Variants in ACE observed in about 807,000 individuals in gnomAD.
The protein encoded by ACE is angiotensin-converting enzyme.
ACE carries 122 observed loss-of-function variants against 162.3 expected under a neutral mutation model. The ratio of observed to expected loss-of-function variants is 0.75; its 90% confidence interval spans 0.65 to 0.87. The LOEUF (loss-of-function observed/expected upper bound fraction) is 0.87. ACE is among the 40% of genes least tolerant of loss of function. The pLI is 0.00. For missense variants in ACE, 1,799 were observed against 1,735.1 expected (o/e 1.04, Z -0.65); for synonymous variants, 796 against 720.6 (o/e 1.10, Z -1.68).
At position 63,496,557 on chromosome 17, in the gene ACE, C is replaced by T. The variant is rs1322054504; in HGVS notation, c.3503+41C>T. On this transcript the variant is annotated intron_variant, in intron 23 of 24. Coordinates refer to ENST00000290866, the MANE Select transcript of ACE (RefSeq NM_000789.4). Reference sequence around the variant, plus strand: ...CCCTCCTTTGTTTCCATGCTCTGGCCTGCGCCCCTGGGCCTTGAGGGGTCT... The same window carrying T: ...CCCTCCTTTGTTTCCATGCTCTGGCTTGCGCCCCTGGGCCTTGAGGGGTCT... 4 of 1,613,050 alleles carry T rather than the reference C, an allele frequency of 2.5e-6. No homozygotes were observed. In the East Asian group the frequency reaches 6.7e-5, roughly 27 times the overall value.
intron 17 of ACE, chr17:63,490,554 C>T: frequency 3.6e-6 from 1 of 278,820 alleles, no homozygotes; most frequent in South Asian, 3.9e-5. Context: ...GTGACAGTAC[C>T]TGGGTGCAGA....
In ACE at chr17:63,486,587, A is replaced by G. The variant is rs2029954424; in HGVS notation, c.2089A>G (p.Thr697Ala). The stretch of plus-strand genomic sequence containing the variant: ...GAAGAACATGCAAATAGCCAACCAC[A>G]CCCTGAAGTACGGCACCCAGGCCAG... ...LQKNMQIANH[T>A]LKYGTQARKF... Residue 697 changes from threonine to alanine, a missense_variant, in exon 14 of 25, where the codon ACC becomes GCC. Thr to Ala is a moderately conservative substitution (Grantham distance 58). Coordinates refer to ENST00000290866, the MANE Select transcript of ACE (RefSeq NM_000789.4). The G allele has an allele frequency of 6.2e-7, 1 of 1,613,936 alleles. No individual in the cohort carries two copies. The highest frequency in any genetic ancestry group is 1.1e-5 in the South Asian group (1 of 91,080).
In ACE at chr17:63,480,248, C is replaced by T. The variant is rs531266810; in HGVS notation, c.656-89C>T. The T allele has an allele frequency of 2.8e-5, 40 of 1,425,316 alleles. No individual in the cohort carries two copies. In the African/African-American group the frequency reaches 3.8e-4, roughly 14 times the overall value. 88.3% of individuals were successfully genotyped at this position (1,425,316 alleles called of 1,614,324 possible). A position where few individuals can be genotyped will look rare whatever the true frequency, so the allele number is the denominator to read the frequency against. On this transcript the variant is annotated intron_variant, in intron 4 of 24. Coordinates refer to ENST00000290866, the MANE Select transcript of ACE (RefSeq NM_000789.4). ...TCCAGCTAGCTGCAGATCCACGGGCCTCGAGCCAGTGGAAGAGCCGACTTA... is the reference window on the plus strand; with the variant it reads ...TCCAGCTAGCTGCAGATCCACGGGCTTCGAGCCAGTGGAAGAGCCGACTTA...
rs958645316 is a variant in ACE, at chr17:63,482,763, C to T, written c.1342+74C>T. 1.3e-5 allele frequency: 19 copies of T among 1,470,004 alleles called. No homozygotes were observed. In the Middle Eastern group the frequency reaches 5.2e-4, roughly 40 times the overall value. 91.1% of individuals were successfully genotyped at this position (1,470,004 alleles called of 1,614,324 possible). ...CCACCCCACAGCAGGACCTCACTTG[C>T]CCCACTCAGCTCTGCCCTTCTTTCT... is the stretch of plus-strand genomic sequence containing the variant. On this transcript the variant is annotated intron_variant, in intron 8 of 24. Coordinates refer to ENST00000290866, the MANE Select transcript of ACE (RefSeq NM_000789.4).
chr17:63,483,971 G>T lies in ACE; in HGVS notation c.1709G>T (p.Arg570Leu). 1 of 1,613,068 alleles carries T rather than the reference G, an allele frequency of 6.2e-7. No individual in the cohort carries two copies. The highest frequency in any genetic ancestry group is 8.5e-7 in the Non-Finnish European group (1 of 1,179,620). Residue 570 changes from arginine (R) to leucine (L), a missense_variant and splice_region_variant, in exon 11 of 25, where the codon CGG becomes CTG. Arg to Leu is a moderately radical substitution (Grantham distance 102, BLOSUM62 -2). Transcript: ENST00000290866. ...TCCACCAAGGCAGGGGCCAAGCTCC[G>T]GTGTGTGGTGGGAAGCCGGGGGAAG... ...YRSTKAGAKLRKVLQAGSSRP... is the reference protein window; with the variant it reads ...YRSTKAGAKLLKVLQAGSSRP...
chr17:63,492,896 C>T (rs1196808860), intron 19 of ACE, among the ~76,000 whole-genome samples: 1 of 152,156 alleles, frequency 6.6e-6, no homozygotes, highest in Non-Finnish European at 1.5e-5. Flanking sequence ...GAAGGACTGA[C>T]GAGAGACGGT....
At chr17:63,483,804 C>T in intron 10 of ACE, 45 bp from the exon 11 acceptor site, 1 of 1,613,296 alleles carries the variant, frequency 6.2e-7, no homozygotes, top group African/African-American at 1.3e-5. Flanking sequence ...AACCCCTGTT[C>T]CTGGCCCCCC....
Position 63,497,175 on chromosome 17 carries a change from A to G in ACE, c.3730A>G (p.Ser1244Gly). ...EGPLPDSGRVSFLGLDLDAQQ... is the reference protein window; with the variant it reads ...EGPLPDSGRVGFLGLDLDAQQ... ...GCCCCTCCCAGACAGCGGCCGCGTC[A>G]GCTTCCTGGGCCTGGACCTGGATGC... The change falls in exon 25 of 25, where the codon AGC (serine) becomes GGC (glycine). Residue 1244 changes from serine (S) to glycine (G), a missense_variant. Coordinates refer to ENST00000290866, the MANE Select transcript of ACE (RefSeq NM_000789.4). The G allele has an allele frequency of 6.2e-7, 1 of 1,604,292 alleles. No individual in the cohort carries two copies. Among genetic ancestry groups the G allele is most frequent in the Middle Eastern group, 1.8e-4 (1 of 5,538 alleles).
At chr17:63,482,174 G>T (rs937368143) in intron 7 of ACE, among the ~76,000 whole-genome samples, 2 of 152,044 alleles carry the variant, frequency 1.3e-5, no homozygotes, top group South Asian at 4.1e-4. Flanking sequence ...GATGGCGGGC[G>T]CCTGTAATCC....
At position 63,484,492 on chromosome 17, in the gene ACE, C is replaced by T. The variant is rs138812566; in HGVS notation, c.1872C>T (p.Pro624=). The T allele has an allele frequency of 1.2e-3, 1,873 of 1,608,742 alleles. 5 individuals carry two copies. The highest frequency in any genetic ancestry group is 8.5e-4 in the Non-Finnish European group (999 of 1,178,876). ...NQQNGEVLGW[P]EYQWHPPLPD... is the part of the protein sequence containing the mutation. ...AGAACGGCGAGGTCCTGGGCTGGCC[C>T]GAGTACCAGTGGCACCCGCCGTTGC... The change falls in exon 12 of 25, where the codon CCC becomes CCT. Residue 624 remains proline (P), a synonymous_variant. Transcript: ENST00000290866. The surrounding 1 kb of genome is among the most constrained non-coding windows in gnomAD (Gnocchi z 4.0).
chr17:63,490,623 C>T, intron 17 of ACE: 1 of 389,006 alleles, frequency 2.6e-6, no homozygotes, highest in Non-Finnish European at 4.9e-6. Flanking sequence ...GAGGTGGCCA[C>T]CGGGGTGTAG....
rs1418648667 is a variant in ACE at position 63,491,671 on chromosome 17, G to A, written c.2912+290G>A. Among the ~76,000 whole-genome samples the A allele has an allele frequency of 6.6e-6, 1 of 152,148 alleles. No homozygotes were observed. The highest frequency in any genetic ancestry group is 2.4e-5 in the African/African-American group (1 of 41,448). ...GGTAGGCTGCCCCGCGTCCCTCCTT[G>A]GGAGCAGCCCCTGCATGGAGCTGGC... On this transcript the variant is annotated intron_variant, in intron 19 of 24. Coordinates refer to ENST00000290866, the MANE Select transcript of ACE (RefSeq NM_000789.4). The surrounding 1 kb of genome is among the most constrained non-coding windows in gnomAD (Gnocchi z 4.4).
chr17:63,496,134 C>T, intron 22 of ACE: 1 of 522,270 alleles, frequency 1.9e-6, no homozygotes, highest in Non-Finnish European at 3.5e-6. Context: ...CCCCATGGAG[C>T]AGGCCCTCCT....
chr17:63,484,536 G>C lies in ACE; in HGVS notation c.1916G>C (p.Gly639Ala). 6.2e-7 allele frequency: 1 copy of C among 1,611,038 alleles called. No individual in the cohort carries two copies. Among genetic ancestry groups the C allele is most frequent in the Non-Finnish European group, 8.5e-7 (1 of 1,179,472 alleles). Residue 639 changes from glycine to alanine, a missense_variant, in exon 12 of 25, where the codon GGC becomes GCC. Gly to Ala is a moderately conservative substitution (Grantham distance 60). Coordinates refer to ENST00000290866, the MANE Select transcript of ACE (RefSeq NM_000789.4). This position sits in a 1 kb window ranked among gnomAD's most constrained non-coding sequence, Gnocchi z 4.0. ...HPPLPDNYPE[G>A]IDLVTDEAEA... ...CCGTTGCCTGACAACTACCCGGAGG[G>C]CATAGGTAAAGCCCTGAGTGAGGAT...
chr17:63,486,255 G>C (rs771895234), intron 13 of ACE: 4 of 468,234 alleles, frequency 8.5e-6, no homozygotes, highest in African/African-American at 2.0e-5. Context: ...GGTTCAGAAA[G>C]GCCACAGAGC....
rs373339041 is a variant in ACE at position 63,487,066 on chromosome 17, C to G, written c.2298C>G (p.Leu766=). Residue 766 remains leucine (L), a synonymous_variant, in exon 15 of 25, where the codon CTC becomes CTG. Transcript: ENST00000290866. ...VCHPNGSCLQ[L]EPDLTNVMAT... Reference sequence around the variant, plus strand: ...ACCCGAATGGCAGCTGCCTGCAGCTCGAGCCAGGTGAGAGCTCATGTGCAG... The same window carrying G: ...ACCCGAATGGCAGCTGCCTGCAGCTGGAGCCAGGTGAGAGCTCATGTGCAG... 1 of 1,613,364 alleles carries G rather than the reference C, an allele frequency of 6.2e-7. No individual in the cohort carries two copies. Among genetic ancestry groups the G allele is most frequent in the Non-Finnish European group, 8.5e-7 (1 of 1,179,876 alleles).
chr17:63,477,920 G>A lies in ACE; in HGVS notation c.250-11G>A. The A allele has an allele frequency of 6.2e-7, 1 of 1,606,918 alleles. No individual in the cohort carries two copies. Reference sequence around the variant, plus strand: ...GTCCTACACCCTCCCTGCCCTCCTGGTGCCCAATAGGAGGAAGCAGCCCTG... The same window carrying A: ...GTCCTACACCCTCCCTGCCCTCCTGATGCCCAATAGGAGGAAGCAGCCCTG... On this transcript the variant is annotated splice_polypyrimidine_tract_variant and intron_variant, in intron 1 of 24. Coordinates refer to ENST00000290866, the MANE Select transcript of ACE (RefSeq NM_000789.4).
Position 63,480,639 on chromosome 17 carries a change from A to G in ACE, c.847+111A>G. The G allele has an allele frequency of 4.3e-6, 5 of 1,158,158 alleles. 1 individual carries two copies. The highest frequency in any genetic ancestry group is 3.7e-5 in the South Asian group (3 of 80,776). 71.7% of individuals were successfully genotyped at this position (1,158,158 alleles called of 1,614,324 possible). A position where few individuals can be genotyped will look rare whatever the true frequency, so the allele number is the denominator to read the frequency against. ...GTGGGTTGTGACCCTCACATCTCAC[A>G]TGTGTGGGGCATCATACTGTTTGCT... is the stretch of plus-strand genomic sequence containing the variant. On this transcript the variant is annotated intron_variant, in intron 5 of 24. Coordinates refer to ENST00000290866, the MANE Select transcript of ACE (RefSeq NM_000789.4).
In ACE at chr17:63,481,844, C is replaced by T. The variant is rs2049715780; in HGVS notation, c.1118+106C>T. On this transcript the variant is annotated intron_variant, in intron 7 of 24. Coordinates refer to ENST00000290866, the MANE Select transcript of ACE (RefSeq NM_000789.4). Reference sequence around the variant, plus strand: ...GCTGGTTCCCAGGCCTGCCTCTACCCTACCCCAGCACTGGTTGGAGGCTGG... The same window carrying T: ...GCTGGTTCCCAGGCCTGCCTCTACCTTACCCCAGCACTGGTTGGAGGCTGG... 3 of 1,457,792 alleles carry T rather than the reference C, an allele frequency of 2.1e-6. No individual in the cohort carries two copies. The East Asian group carries it at 6.9e-5, about 33-fold the overall frequency. 90.3% of individuals were successfully genotyped at this position (1,457,792 alleles called of 1,614,324 possible).
Sources: allele counts gnomAD v4.1 joint callset (sites outside exome capture counted in the v4.1 genomes callset), GRCh38; gene constraint gnomAD v4.1.1; non-coding constraint Gnocchi (gnomAD v3.1); transcripts MANE v1.5; gene names NCBI Gene and HGNC (gene_info 2026-07-23, HGNC 2026-07-21).